Variants in CCDC148 observed in about 807,000 individuals in gnomAD.
CCDC148 encodes coiled-coil domain-containing protein 148.
Under a neutral mutation model 85.7 loss-of-function variants are expected in CCDC148, and 89 were observed. The observed-to-expected ratio is 1.04, with a 90% CI of 0.87 to 1.24. The LOEUF is 1.24. CCDC148 is among the 50% of genes most tolerant of loss of function. The probability of loss-of-function intolerance (pLI) is 0.00; values close to 1 mark genes in which losing one functional copy is unlikely to be tolerated. For missense variants in CCDC148, 692 were observed against 671.7 expected, an observed-to-expected ratio of 1.03 and a Z score of -0.33; for synonymous variants, 230 against 213.9, an observed-to-expected ratio of 1.08 and a Z score of -0.66.
intron 1 of CCDC148, among the ~76,000 whole-genome samples, chr2:158,444,664 C>T (rs973944235): frequency 9.9e-5 from 15 of 151,266 alleles, no homozygotes; most frequent in Non-Finnish European, 1.8e-4. Flanking sequence ...TGCCTGTGGT[C>T]CCAGCCACTC....
chr2:158,436,971 T>G (rs1687685800), intron 1 of CCDC148, among the ~76,000 whole-genome samples: 1 of 152,160 alleles, frequency 6.6e-6, no homozygotes. Context: ...GCTCTGAAAT[T>G]GAGGCAATAA....
intron 10 of CCDC148, among the ~76,000 whole-genome samples, chr2:158,229,617 C>T (rs1225701504): frequency 2.0e-5 from 3 of 152,146 alleles, no homozygotes; most frequent in African/African-American, 7.2e-5. Context: ...AGAAGCTCTA[C>T]AAGATATCTT....
chr2:158,296,905 G>T (rs1691214479), intron 9 of CCDC148, among the ~76,000 whole-genome samples: 1 of 152,278 alleles, frequency 6.6e-6, no homozygotes, highest in South Asian at 2.1e-4. Context: ...GCCATCTGCT[G>T]CTGTGACCAA....
intron 1 of CCDC148, among the ~76,000 whole-genome samples, chr2:158,414,209 T>C (rs1244973375): frequency 1.3e-5 from 2 of 152,212 alleles, no homozygotes; most frequent in African/African-American, 4.8e-5. Flanking sequence ...TGCTTAATTA[T>C]ACAAATAATG....
Position 158,364,499 on chromosome 2 carries a change from T to G in CCDC148, c.26-5929A>C, listed in dbSNP as rs560153677. On this transcript the variant is annotated intron_variant, in intron 1 of 13. Coordinates refer to ENST00000283233, the MANE Select transcript of CCDC148 (RefSeq NM_138803.4). ...CAGAACAGAACAGAGGCCTCAGAAA[T>G]AATGCCACACATCTAAAACCATCTG... Among the ~76,000 whole-genome samples, 27 of 152,080 alleles carry G rather than the reference T, an allele frequency of 1.8e-4. No individual in the cohort carries two copies. The South Asian group carries it at 5.6e-3, about 32-fold the overall frequency.
intron 9 of CCDC148, among the ~76,000 whole-genome samples, chr2:158,251,580 A>G (rs60271414): frequency 0.099 from 15,103 of 151,886 alleles, 2,072 homozygotes; most frequent in African/African-American, 0.31. Flanking sequence ...AAATGTACCC[A>G]CAGGAATGTG....
intron 9 of CCDC148, among the ~76,000 whole-genome samples, chr2:158,279,245 G>A (rs1224458247): frequency 6.6e-6 from 1 of 152,204 alleles, no homozygotes; most frequent in Non-Finnish European, 1.5e-5. Flanking sequence ...AAGGATCGCA[G>A]TTCCTCACCA....
At chr2:158,422,140 GC>G (rs2105324280) in intron 1 of CCDC148, among the ~76,000 whole-genome samples, 1 of 152,254 alleles carries the variant, frequency 6.6e-6, no homozygotes, top group South Asian at 2.1e-4. Flanking sequence ...TGGATTCACA[GC>G]CAAATTCTAG....
chr2:158,434,107 C>T (rs999785426), intron 1 of CCDC148, among the ~76,000 whole-genome samples: 1 of 152,172 alleles, frequency 6.6e-6, no homozygotes, highest in African/African-American at 2.4e-5. Flanking sequence ...TGTCTGACAG[C>T]TATGAAGAGA....
intron 3 of CCDC148, among the ~76,000 whole-genome samples, chr2:158,341,056 G>A (rs1165397387): frequency 6.6e-6 from 1 of 152,152 alleles, no homozygotes; most frequent in African/African-American, 2.4e-5. Context: ...AGATGAAGAG[G>A]AGGGTATCAG....
chr2:158,431,299 TA>T (rs200663649), intron 1 of CCDC148, among the ~76,000 whole-genome samples: 1 of 151,402 alleles, frequency 6.6e-6, no homozygotes, highest in African/African-American at 2.4e-5. Flanking sequence ...ATCAAATTGT[TA>T]AAAAAAACTG....
intron 1 of CCDC148, chr2:158,366,178 G>C: frequency 1.3e-6 from 1 of 791,722 alleles, no homozygotes; most frequent in Non-Finnish European, 1.9e-6. Flanking sequence ...CCCAGGACTG[G>C]GTGCCATAAT....
chr2:158,284,481 CT>C (rs1404665098), intron 9 of CCDC148, among the ~76,000 whole-genome samples: 1 of 152,142 alleles, frequency 6.6e-6, no homozygotes, highest in Non-Finnish European at 1.5e-5. Flanking sequence ...ATCAGAGATT[CT>C]TTTGTGAAAA....
chr2:158,203,626 T>C (rs1402319261), intron 11 of CCDC148, among the ~76,000 whole-genome samples: 1 of 152,036 alleles, frequency 6.6e-6, no homozygotes, highest in Non-Finnish European at 1.5e-5. Flanking sequence ...TTTCACATGG[T>C]CTCAAACAAT....
intron 1 of CCDC148, among the ~76,000 whole-genome samples, chr2:158,428,362 C>T (rs574646435): frequency 6.6e-6 from 1 of 152,168 alleles, no homozygotes; most frequent in East Asian, 1.9e-4. Flanking sequence ...AAGATCTGAT[C>T]CTCATTTCTT....
rs558074917 is a variant in CCDC148, at chr2:158,417,830, A to G, written c.25+38585T>C. Among the ~76,000 whole-genome samples the G allele has an allele frequency of 3.9e-5, 6 of 152,270 alleles. No homozygotes were observed. In the South Asian group the frequency reaches 1.2e-3, roughly 32 times the overall value. Reference sequence around the variant, plus strand: ...GTGGAACCCTGAAGTTCATTTGTAGATCCCCCTGAGGCATAAAGACATCAG... The same window carrying G: ...GTGGAACCCTGAAGTTCATTTGTAGGTCCCCCTGAGGCATAAAGACATCAG... On this transcript the variant is annotated intron_variant, in intron 1 of 13. Coordinates refer to ENST00000283233, the MANE Select transcript of CCDC148 (RefSeq NM_138803.4).
chr2:158,413,603 C>T (rs1574776889), intron 1 of CCDC148, among the ~76,000 whole-genome samples: 1 of 148,814 alleles, frequency 6.7e-6, no homozygotes. Flanking sequence ...TTTCTCTTGC[C>T]TTTTTTTTTT....
intron 2 of CCDC148, among the ~76,000 whole-genome samples, chr2:158,353,213 T>TTA (rs1683420144): frequency 1.1e-5 from 1 of 90,476 alleles, no homozygotes; most frequent in African/African-American, 4.9e-5. Flanking sequence ...CAGGATCAAA[T>TTA]TCACACATAA....
intron 9 of CCDC148, among the ~76,000 whole-genome samples, chr2:158,262,653 T>C (rs1178642346): frequency 6.6e-6 from 1 of 151,782 alleles, no homozygotes; most frequent in African/African-American, 2.4e-5. Context: ...GAAAGGCATG[T>C]CTTACATAGT....
Sources: gnomAD v4.1 joint callset for allele counts (sites outside exome capture counted in the v4.1 genomes callset) on GRCh38, gnomAD v4.1.1 for gene constraint, MANE v1.5 for transcripts, NCBI Gene and HGNC (gene_info 2026-07-23, HGNC 2026-07-21) for gene names.